Variants in FZR1 observed in about 807,000 individuals in gnomAD.
The protein encoded by FZR1 is fizzy and cell division cycle 20 related 1, also known as fizzy-related protein homolog.
In FZR1, 11 loss-of-function variants were observed where a neutral mutation model predicts 63.6. The observed-to-expected ratio is 0.17, with a 90% CI of 0.11 to 0.29. FZR1 has a LOEUF of 0.29. FZR1 is among the 10% of genes least tolerant of loss of function. The pLI, the probability that FZR1 is intolerant of heterozygous loss-of-function variation, is 1.00. For synonymous variants in FZR1, 328 were observed against 297.9 expected, an observed-to-expected ratio of 1.10 and a Z score of -1.04; for missense variants, 440 against 687.5, an observed-to-expected ratio of 0.64 and a Z score of 4.03.
chr19:3,529,099 TGAGCGGATGGGA>T (rs1211015129), intron 7 of FZR1, among the ~76,000 whole-genome samples: 914 of 46,468 alleles, frequency 0.02, 5 homozygotes, highest in African/African-American at 0.023. Flanking sequence ...AGCAGACGGT[TGAGCGGATGGGA>T]GAGCGGATGG....
intron 7 of FZR1, 53 bp downstream of exon 7, chr19:3,527,867 A>C (rs1464552163): frequency 7.0e-7 from 1 of 1,425,544 alleles, no homozygotes; most frequent in Non-Finnish European, 9.8e-7. Flanking sequence ...AGCTCCCAGC[A>C]GACCTCAATG....
chr19:3,514,707 T>C lies in FZR1; in HGVS notation c.-35+8233T>C, dbSNP rs1213929343. On this transcript the variant is annotated intron_variant, in intron 1 of 13. Transcript: ENST00000441788. This position sits in a 1 kb window ranked among gnomAD's most constrained non-coding sequence, Gnocchi z 4.2. ...CAGGAGCTGGAGTCCCCCTGGTTTG[T>C]GCTGTCTGCCCCATCGGAGGCTTAT... Among the ~76,000 whole-genome samples the C allele has an allele frequency of 1.3e-5, 2 of 152,162 alleles. No homozygotes were observed. Among genetic ancestry groups the C allele is most frequent in the African/African-American group, 4.8e-5 (2 of 41,422 alleles).
At chr19:3,534,684 C>G (rs551337266) in intron 13 of FZR1, 111 bp from the exon 14 acceptor site, 1 of 1,033,624 alleles carries the variant, frequency 9.7e-7, no homozygotes, top group East Asian at 2.5e-5. Context: ...CGAGGCTGAA[C>G]TGGCACCTCC....
chr19:3,529,893 TGG>T (rs2083220894), intron 7 of FZR1, among the ~76,000 whole-genome samples: 4 of 78,590 alleles, frequency 5.1e-5, no homozygotes, highest in Non-Finnish European at 1.1e-4. Flanking sequence ...GGAGAGCGGA[TGG>T]GAGAGTGGTT....
Position 3,532,536 on chromosome 19 carries a change from C to G in FZR1, c.1128C>G (p.Gly376=), listed in dbSNP as rs1313827636. 6.2e-7 allele frequency: 1 copy of G among 1,612,094 alleles called. No homozygotes were observed. Among genetic ancestry groups the G allele is most frequent in the South Asian group, 1.1e-5 (1 of 91,056 alleles). ...HQHGLLASGG[G]TADRCIRFWN... ...ACGGGCTGCTGGCCTCGGGGGGCGG[C>G]ACAGCTGACCGCTGTATCCGCTTCT... is the stretch of plus-strand genomic sequence containing the variant. Residue 376 remains glycine, a synonymous_variant, in exon 11 of 14, where the codon GGC becomes GGG. Transcript: ENST00000441788.
rs117449423 is a variant in FZR1 at position 3,513,745 on chromosome 19, C to T, written c.-35+7271C>T. Among the ~76,000 whole-genome samples, 92 of 152,254 alleles carry T rather than the reference C, an allele frequency of 6.0e-4. 2 individuals are homozygous for T. The East Asian group carries it at 0.012, about 20-fold the overall frequency. On this transcript the variant is annotated intron_variant, in intron 1 of 13. Transcript: ENST00000441788. Reference sequence around the variant, plus strand: ...GTTCCCTCCTCCCTTACCTGCTCCACGTCCCCTGTGGGTAGCAAGTGCCGC... The same window carrying T: ...GTTCCCTCCTCCCTTACCTGCTCCATGTCCCCTGTGGGTAGCAAGTGCCGC...
At chr19:3,532,698 C>T (rs771956288) in intron 11 of FZR1, 48 bp downstream of exon 11, 1 of 1,299,984 alleles carries the variant, frequency 7.7e-7, no homozygotes, top group South Asian at 1.2e-5. Context: ...GATGTGCGTC[C>T]TGCTGGCCCC....
rs192195596 is a variant in FZR1 at position 3,534,465 on chromosome 19, C to T, written c.1392C>T (p.Asp464=). ...AGGCCATCGTCACTGGTGCTGGAGACGAGACCCTGAGGTTCTGGAACGTCT... is the reference window on the plus strand; with the variant it reads ...AGGCCATCGTCACTGGTGCTGGAGATGAGACCCTGAGGTTCTGGAACGTCT... ...DGEAIVTGAG[D]ETLRFWNVFS... Residue 464 remains aspartate, a synonymous_variant, in exon 13 of 14, where the codon GAC becomes GAT. Coordinates refer to ENST00000441788, the MANE Select transcript of FZR1 (RefSeq NM_016263.4). 3.9e-5 allele frequency: 63 copies of T among 1,610,728 alleles called. No homozygotes were observed. The East Asian group carries it at 1.0e-3, about 26-fold the overall frequency.
chr19:3,530,947 G>A (rs181035521), intron 8 of FZR1, 90 bp downstream of exon 8: 126 of 934,562 alleles, frequency 1.3e-4, no homozygotes, highest in Middle Eastern at 1.0e-3. Context: ...GGTCTAGTGC[G>A]TGGCCTGAGG....
At chr19:3,530,539 TAGATGGGAGAGC>T (rs980957463) in intron 7 of FZR1, among the ~76,000 whole-genome samples, 5 of 131,804 alleles carry the variant, frequency 3.8e-5, no homozygotes, top group Admixed American at 7.6e-5. Flanking sequence ...GATGGTTGAG[TAGATGGGAGAGC>T]AGATGGGAGA....
At chr19:3,509,671 C>T (rs889921717) in intron 1 of FZR1, among the ~76,000 whole-genome samples, 4 of 152,188 alleles carry the variant, frequency 2.6e-5, no homozygotes, top group Non-Finnish European at 5.9e-5. Context: ...CTGGGCCTGT[C>T]CCGGACATTT....
intron 7 of FZR1, among the ~76,000 whole-genome samples, chr19:3,528,485 C>G (rs2083185530): frequency 6.6e-6 from 1 of 152,170 alleles, no homozygotes; most frequent in African/African-American, 2.4e-5. Flanking sequence ...CAGCTTCCTC[C>G]CATCCTCTGC....
At chr19:3,527,536 T>C in intron 6 of FZR1, 95 bp from the exon 7 acceptor site, 1 of 967,986 alleles carries the variant, frequency 1.0e-6, no homozygotes, top group South Asian at 1.5e-5. Flanking sequence ...CGGACTGGGC[T>C]CCTGGGGCTG....
Position 3,533,733 on chromosome 19 carries a change from AC to A in FZR1, c.1347+336del, listed in dbSNP as rs1568241288. 6.7e-6 allele frequency: 2 copies of A among 299,048 alleles called. No individual in the cohort carries two copies. The highest frequency in any genetic ancestry group is 6.3e-6 in the Non-Finnish European group (1 of 158,184). 18.5% of individuals were successfully genotyped at this position (299,048 alleles called of 1,614,324 possible). A position where few individuals can be genotyped will look rare whatever the true frequency, so the allele number is the denominator to read the frequency against. On this transcript the variant is annotated intron_variant, in intron 12 of 13. Coordinates refer to ENST00000441788, the MANE Select transcript of FZR1 (RefSeq NM_016263.4). This position sits in a 1 kb window ranked among gnomAD's most constrained non-coding sequence, Gnocchi z 4.9. ...ACTCAGATGACCCTGTGAACGTCCT[AC>A]ACAGTAACTGTATGCACGTGGCTGG...
At chr19:3,508,949 GGCTGTGT>G (rs1157850548) in intron 1 of FZR1, among the ~76,000 whole-genome samples, 4 of 152,162 alleles carry the variant, frequency 2.6e-5, no homozygotes, top group African/African-American at 9.7e-5. Context: ...CAGTGCCCTG[GGCTGTGT>G]GCTTGCCCAC....
chr19:3,532,333 A>T, intron 10 of FZR1, 84 bp from the exon 11 acceptor site: 1 of 1,082,674 alleles, frequency 9.2e-7, no homozygotes. Flanking sequence ...GTGGGGTGCC[A>T]GGGCAGGTCG....
chr19:3,508,669 C>T (rs1292287833), intron 1 of FZR1, among the ~76,000 whole-genome samples: 1 of 152,164 alleles, frequency 6.6e-6, no homozygotes, highest in African/African-American at 2.4e-5. Flanking sequence ...GGGCCGCTCC[C>T]GGGGACTCCA....
chr19:3,529,350 G>GGATGGGAGAGCGGATGGGAGAGCA (rs2083205095), intron 7 of FZR1, among the ~76,000 whole-genome samples: 1 of 150,444 alleles, frequency 6.6e-6, no homozygotes, highest in Admixed American at 6.6e-5. Context: ...TTGAGGGAGT[G>GGATGGGAGAGCGGATGGGAGAGCA]GATGGGAGAG....
intron 1 of FZR1, among the ~76,000 whole-genome samples, chr19:3,518,823 T>C (rs1310838359): frequency 6.6e-6 from 1 of 152,158 alleles, no homozygotes; most frequent in African/African-American, 2.4e-5. Context: ...ATGATCAAAC[T>C]ACTGCATTCC....
Sources: gnomAD v4.1 joint callset for allele counts (sites outside exome capture counted in the v4.1 genomes callset) on GRCh38, gnomAD v4.1.1 for gene constraint, Gnocchi (gnomAD v3.1) non-coding constraint, MANE v1.5 for transcripts, NCBI Gene and HGNC (gene_info 2026-07-23, HGNC 2026-07-21) for gene names.